The following PRR16 variants were observed in gnomAD, a reference collection of about 807,000 sequenced individuals.
PRR16 encodes protein Largen.
In PRR16, 6 loss-of-function variants were observed where a neutral mutation model predicts 18.2. The observed-to-expected ratio is 0.33, with a 90% CI of 0.18 to 0.65. PRR16 has a LOEUF of 0.65. Among genes scored for constraint, PRR16 ranks in the 30% least tolerant of loss-of-function variants. The pLI, the probability that PRR16 is intolerant of heterozygous loss-of-function variation, is 0.74. For synonymous variants in PRR16, 151 were observed against 147.8 expected, an observed-to-expected ratio of 1.02 and a Z score of -0.16; for missense variants, 412 against 376.6, an observed-to-expected ratio of 1.09 and a Z score of -0.78.
intron 1 of PRR16, among the ~76,000 whole-genome samples, chr5:120,546,359 G>T (rs1752074009): frequency 6.6e-6 from 1 of 152,024 alleles, no homozygotes; most frequent in Non-Finnish European, 1.5e-5. Flanking sequence ...ATCAGTTGTT[G>T]CTCCATAGTG....
the PRR16 span, among the ~76,000 whole-genome samples, chr5:120,718,667 C>A: frequency 6.6e-6 from 1 of 152,006 alleles, no homozygotes; most frequent in Non-Finnish European, 1.5e-5. Context: ...CCATGGTTTC[C>A]CCTGGTCCAG....
rs377197534 is a variant in PRR16, at chr5:120,513,140, T to G, written c.159+48495T>G. On this transcript the variant is annotated intron_variant, in intron 1 of 1. Transcript: ENST00000407149. ...AGTCAAGCTTTCAGCCGTCTTGGAT[T>G]TAACCGGTTGTGGCTGGTTTCTTCT... Among the ~76,000 whole-genome samples, 76 of 152,306 alleles carry G rather than the reference T, an allele frequency of 5.0e-4. 1 individual carries two copies. The highest frequency in any genetic ancestry group is 3.4e-3 in the Middle Eastern group (1 of 294).
chr5:120,585,494 C>G (rs577296001), intron 1 of PRR16, among the ~76,000 whole-genome samples: 43 of 151,974 alleles, frequency 2.8e-4, no homozygotes, highest in Non-Finnish European at 6.2e-4. Flanking sequence ...GGGGCAAGTG[C>G]CTGTAATCCA....
intron 1 of PRR16, among the ~76,000 whole-genome samples, chr5:120,479,300 C>T (rs1200526997): frequency 6.6e-6 from 1 of 152,098 alleles, no homozygotes; most frequent in African/African-American, 2.4e-5. Context: ...CTGTCCACTT[C>T]AATCAGGGAG....
At chr5:120,701,327 C>T in the PRR16 span, among the ~76,000 whole-genome samples, 23 of 152,074 alleles carry the variant, frequency 1.5e-4, 1 homozygote, top group East Asian at 4.3e-3. Context: ...GCCTTTTGAC[C>T]TTTTAGGGTC....
chr5:120,560,042 C>G (rs1251737777), intron 1 of PRR16, among the ~76,000 whole-genome samples: 1 of 151,772 alleles, frequency 6.6e-6, no homozygotes, highest in Non-Finnish European at 1.5e-5. Flanking sequence ...CTTGTGGAGT[C>G]TTTAGGTTTT....
chr5:120,734,538 C>T, the PRR16 span, among the ~76,000 whole-genome samples: 2 of 92,486 alleles, frequency 2.2e-5, no homozygotes, highest in South Asian at 5.0e-4. Context: ...GAATGCTAAC[C>T]CGGCTGGGAT....
At chr5:120,525,204 C>A (rs964867359) in intron 1 of PRR16, among the ~76,000 whole-genome samples, 1 of 151,892 alleles carries the variant, frequency 6.6e-6, no homozygotes, top group Non-Finnish European at 1.5e-5. Context: ...TATGAGAGGG[C>A]CCCATTATAT....
chr5:120,701,128 C>G, the PRR16 span, among the ~76,000 whole-genome samples: 1 of 152,170 alleles, frequency 6.6e-6, no homozygotes, highest in Non-Finnish European at 1.5e-5. Flanking sequence ...TTCTTGTGTG[C>G]TGGAGATGTG....
At chr5:120,564,481 C>T (rs111709663) in intron 1 of PRR16, among the ~76,000 whole-genome samples, 8 of 143,934 alleles carry the variant, frequency 5.6e-5, no homozygotes, top group African/African-American at 1.8e-4. Flanking sequence ...CTAAATGCTC[C>T]CTACATGCAA....
chr5:120,623,229 TG>T (rs1754749016), intron 1 of PRR16, among the ~76,000 whole-genome samples: 1 of 152,162 alleles, frequency 6.6e-6, no homozygotes, highest in African/African-American at 2.4e-5. Flanking sequence ...GATTTTATAA[TG>T]GCAACAGTAT....
At chr5:120,781,204 A>C in the PRR16 span, 1 of 152,140 alleles carries the variant, frequency 6.6e-6, no homozygotes. Flanking sequence ...ATTCTTTTCT[A>C]TCCGCTTTCT....
At chr5:120,777,958 A>G in the PRR16 span, among the ~76,000 whole-genome samples, 14 of 152,258 alleles carry the variant, frequency 9.2e-5, no homozygotes, top group East Asian at 2.3e-3. Flanking sequence ...TGGTTTCACC[A>G]TTATGGAAGT....
intron 1 of PRR16, among the ~76,000 whole-genome samples, chr5:120,643,176 A>T (rs1755478010): frequency 7.1e-6 from 1 of 140,744 alleles, no homozygotes; most frequent in Admixed American, 7.1e-5. Flanking sequence ...AAGAAGAGAC[A>T]TACAGGTTTT....
intron 1 of PRR16, among the ~76,000 whole-genome samples, chr5:120,477,929 A>G (rs1020021002): frequency 6.6e-6 from 1 of 152,226 alleles, no homozygotes; most frequent in Admixed American, 6.5e-5. Flanking sequence ...CTGTTCAGGC[A>G]ACTCCACATG....
chr5:120,738,971 T>G, the PRR16 span, among the ~76,000 whole-genome samples: 1 of 152,178 alleles, frequency 6.6e-6, no homozygotes, highest in Non-Finnish European at 1.5e-5. Flanking sequence ...CATAGAAAAC[T>G]ATCATTTACA....
chr5:120,758,952 A>G, the PRR16 span, among the ~76,000 whole-genome samples: 1 of 146,522 alleles, frequency 6.8e-6, no homozygotes, highest in South Asian at 2.2e-4. Flanking sequence ...AGAGTTGTAC[A>G]TTGATTTTTG....
At chr5:120,684,724 G>C (rs1311988923) in intron 1 of PRR16, among the ~76,000 whole-genome samples, 1 of 152,138 alleles carries the variant, frequency 6.6e-6, no homozygotes, top group Non-Finnish European at 1.5e-5. Flanking sequence ...CCCAGCCAAT[G>C]ACTGAACAGG....
chr5:120,640,349 TA>T (rs1396356924), intron 1 of PRR16, among the ~76,000 whole-genome samples: 2 of 152,122 alleles, frequency 1.3e-5, no homozygotes, highest in Non-Finnish European at 2.9e-5. Context: ...CCACTGAATT[TA>T]AATCTGTGAC....
Sources: allele counts gnomAD v4.1 joint callset (sites outside exome capture counted in the v4.1 genomes callset), GRCh38; gene constraint gnomAD v4.1.1; transcripts MANE v1.5; gene names NCBI Gene and HGNC (gene_info 2026-07-23, HGNC 2026-07-21).